Variants in NLGN1 observed in about 807,000 individuals in gnomAD.
NLGN1 encodes neuroligin 1, also known as neuroligin-1.
In NLGN1, 12 loss-of-function variants were observed where a neutral mutation model predicts 65.5. The observed-to-expected ratio is 0.18, with a 90% CI of 0.12 to 0.30. The LOEUF (loss-of-function observed/expected upper bound fraction) is 0.30. NLGN1 is among the 10% of genes least tolerant of loss of function. The pLI, the probability that NLGN1 is intolerant of heterozygous loss-of-function variation, is 1.00. For missense variants in NLGN1, 750 were observed against 1,007.1 expected (o/e 0.74, Z 3.46); for synonymous variants, 350 against 359.5 (o/e 0.97, Z 0.30).
At chr3:173,699,047 G>A (rs1241770095) in intron 3 of NLGN1, among the ~76,000 whole-genome samples, 3 of 151,992 alleles carry the variant, frequency 2.0e-5, no homozygotes, top group East Asian at 1.9e-4. Flanking sequence ...GTAGAGACGC[G>A]TTATCTCCAG....
intron 3 of NLGN1, among the ~76,000 whole-genome samples, chr3:173,665,314 A>G (rs2149708317): frequency 6.6e-6 from 1 of 152,192 alleles, no homozygotes; most frequent in South Asian, 2.1e-4. Flanking sequence ...TCCTGCCGCC[A>G]TGTGAAGAAG....
intron 2 of NLGN1, among the ~76,000 whole-genome samples, chr3:173,450,068 G>A (rs1721189008): frequency 6.6e-6 from 1 of 152,118 alleles, no homozygotes; most frequent in African/African-American, 2.4e-5. Flanking sequence ...TTACTTTTAA[G>A]GTTAGTATTG....
At chr3:174,107,975 G>C (rs13327518) in intron 4 of NLGN1, among the ~76,000 whole-genome samples, 3,481 of 151,960 alleles carry the variant, frequency 0.023, 152 homozygotes, top group African/African-American at 0.078. Context: ...TTTTCTAATT[G>C]AATCATTTGC....
rs531021410 is a variant in NLGN1 at position 174,016,305 on chromosome 3, A to G, written c.646+208473A>G. On this transcript the variant is annotated intron_variant, in intron 4 of 6. Coordinates refer to ENST00000457714, the Ensembl canonical transcript of NLGN1. Reference sequence around the variant, plus strand: ...TTCTAAAGCAAAAGAGACTGGATGTATATGGGCCAGACTCTAAAAGTACAC... The same window carrying G: ...TTCTAAAGCAAAAGAGACTGGATGTGTATGGGCCAGACTCTAAAAGTACAC... Among the ~76,000 whole-genome samples, 9 of 152,332 alleles carry G rather than the reference A, an allele frequency of 5.9e-5. No homozygotes were observed. In the South Asian group the frequency reaches 1.9e-3, roughly 32 times the overall value.
chr3:173,466,611 A>C (rs1724404479), intron 2 of NLGN1, among the ~76,000 whole-genome samples: 1 of 152,202 alleles, frequency 6.6e-6, no homozygotes, highest in African/African-American at 2.4e-5. Flanking sequence ...AATATTTTGC[A>C]ACTTTTATGA....
In NLGN1 at chr3:173,584,177, A is replaced by G. The variant is rs572081567; in HGVS notation, c.-320-20102A>G. ...TGCTGTATTCAAGTAGTCATATACT[A>G]TTCATGTTAATTGCAGTTCAGCCTT... On this transcript the variant is annotated intron_variant, in intron 2 of 6. Coordinates refer to ENST00000457714, the Ensembl canonical transcript of NLGN1. Among the ~76,000 whole-genome samples the G allele has an allele frequency of 4.7e-5, 7 of 150,480 alleles. No homozygotes were observed. The South Asian group carries it at 6.3e-4, about 14-fold the overall frequency.
At chr3:174,077,184 C>T (rs897079495) in intron 4 of NLGN1, among the ~76,000 whole-genome samples, 9 of 151,344 alleles carry the variant, frequency 5.9e-5, no homozygotes, top group African/African-American at 2.2e-4. Context: ...ATATTTCTTT[C>T]CAGGAAAAAA....
intron 4 of NLGN1, among the ~76,000 whole-genome samples, chr3:174,169,526 AGTCTT>A (rs1328512689): frequency 6.6e-6 from 1 of 151,936 alleles, no homozygotes; most frequent in African/African-American, 2.4e-5. Flanking sequence ...GAGCAGAGAG[AGTCTT>A]GCTGTACCAC....
At chr3:173,788,139 G>A (rs757704809) in intron 3 of NLGN1, among the ~76,000 whole-genome samples, 1 of 138,414 alleles carries the variant, frequency 7.2e-6, no homozygotes, top group Non-Finnish European at 1.5e-5. Flanking sequence ...AAAGAGTTCT[G>A]TGACATTTTA....
chr3:173,533,031 A>C (rs1736852084), intron 2 of NLGN1, among the ~76,000 whole-genome samples: 1 of 152,216 alleles, frequency 6.6e-6, no homozygotes. Context: ...TTCACTGACC[A>C]GAATAAGTCC....
chr3:174,021,866 C>T (rs532832073), intron 4 of NLGN1, among the ~76,000 whole-genome samples: 5 of 152,216 alleles, frequency 3.3e-5, no homozygotes, highest in African/African-American at 7.2e-5. Context: ...CAGATGAAGG[C>T]GTTTCTGGAA....
chr3:173,966,039 G>A (rs1458713577), intron 4 of NLGN1, among the ~76,000 whole-genome samples: 1 of 152,056 alleles, frequency 6.6e-6, no homozygotes, highest in Non-Finnish European at 1.5e-5. Flanking sequence ...TAGCTCATTG[G>A]TATTTACCTT....
At chr3:174,123,773 T>A (rs1437215181) in intron 4 of NLGN1, among the ~76,000 whole-genome samples, 1 of 152,148 alleles carries the variant, frequency 6.6e-6, no homozygotes, top group East Asian at 1.9e-4. Context: ...AATCTGCAGT[T>A]ATTTCTAAGG....
At chr3:173,760,493 A>G (rs1777814908) in intron 3 of NLGN1, among the ~76,000 whole-genome samples, 1 of 151,982 alleles carries the variant, frequency 6.6e-6, no homozygotes, top group African/African-American at 2.4e-5. Context: ...TTACTTTAGA[A>G]GTTCTTGCGA....
chr3:174,088,496 C>T (rs1188082375), intron 4 of NLGN1, among the ~76,000 whole-genome samples: 1 of 152,084 alleles, frequency 6.6e-6, no homozygotes, highest in Admixed American at 6.6e-5. Context: ...GTGACTCACG[C>T]CTGTAATCCC....
At chr3:173,979,502 GA>G (rs1433778293) in intron 4 of NLGN1, among the ~76,000 whole-genome samples, 1 of 152,074 alleles carries the variant, frequency 6.6e-6, no homozygotes, top group Non-Finnish European at 1.5e-5. Context: ...AGATTGAAGA[GA>G]AAAGGTGTGA....
chr3:173,722,466 TCCTCACC>T (rs1256955123), intron 3 of NLGN1, among the ~76,000 whole-genome samples: 1 of 152,092 alleles, frequency 6.6e-6, no homozygotes, highest in South Asian at 2.1e-4. Context: ...GGTCTCGAAC[TCCTCACC>T]TCGTGATGTG....
At chr3:173,547,617 G>A (rs1345989754) in intron 2 of NLGN1, among the ~76,000 whole-genome samples, 2 of 152,012 alleles carry the variant, frequency 1.3e-5, no homozygotes, top group Admixed American at 1.3e-4. Flanking sequence ...TTTTCCTCAG[G>A]TTGCTACTAA....
At chr3:173,728,291 A>T (rs189260769) in intron 3 of NLGN1, among the ~76,000 whole-genome samples, 5 of 152,266 alleles carry the variant, frequency 3.3e-5, no homozygotes, top group Admixed American at 3.3e-4. Flanking sequence ...AAACATAAAA[A>T]CAAACTGGTA....
Sources: gnomAD v4.1 joint callset for allele counts (sites outside exome capture counted in the v4.1 genomes callset) on GRCh38, gnomAD v4.1.1 for gene constraint, MANE v1.5 for transcripts, NCBI Gene and HGNC (gene_info 2026-07-23, HGNC 2026-07-21) for gene names.